Variants in EML6 observed in about 807,000 individuals in gnomAD.
EML6 encodes the protein echinoderm microtubule-associated protein-like 6.
EML6 carries 154 observed loss-of-function variants against 240.1 expected under a neutral mutation model. The observed-to-expected ratio is 0.64, with a 90% CI of 0.56 to 0.73. EML6 has a LOEUF of 0.73. Among genes scored for constraint, EML6 ranks in the 30% least tolerant of loss-of-function variants. The pLI, the probability that EML6 is intolerant of heterozygous loss-of-function variation, is 0.00. For missense variants in EML6, 2,964 were observed against 2,474.6 expected (o/e 1.20, Z -4.20); for synonymous variants, 1,148 against 899.0 (o/e 1.28, Z -4.95).
intron 2 of EML6, among the ~76,000 whole-genome samples, chr2:54,777,382 C>G (rs1253498712): frequency 6.6e-6 from 1 of 152,158 alleles, no homozygotes; most frequent in East Asian, 1.9e-4. Flanking sequence ...TGAGCTTGGA[C>G]TTTTATGCTC....
At chr2:54,758,809 C>A (rs570735191) in intron 2 of EML6, among the ~76,000 whole-genome samples, 6 of 152,124 alleles carry the variant, frequency 3.9e-5, no homozygotes, top group Non-Finnish European at 7.4e-5. Context: ...ACAGATTGGT[C>A]TGAGAGCATT....
At chr2:54,791,216 A>G (rs990158922) in intron 2 of EML6, among the ~76,000 whole-genome samples, 1 of 152,066 alleles carries the variant, frequency 6.6e-6, no homozygotes, top group Non-Finnish European at 1.5e-5. Flanking sequence ...ACGTGGGAAC[A>G]CAGATGATGC....
chr2:54,950,519 G>C (rs1280852745), intron 29 of EML6, 131 bp from the exon 30 acceptor site: 1 of 965,876 alleles, frequency 1.0e-6, no homozygotes, highest in Non-Finnish European at 1.5e-6. Context: ...AATGTTTTCA[G>C]TGAGTGTGTG....
Position 54,892,057 on chromosome 2 carries a change from T to C in EML6, c.2540-397T>C, listed in dbSNP as rs559995353. On this transcript the variant is annotated intron_variant, in intron 18 of 41. Coordinates refer to ENST00000356458, the MANE Select transcript of EML6 (RefSeq NM_001039753.4). ...TTTTGGTCAGCATTCATGAAGACTT[T>C]GCTTGCTCCTTCAGGCACTTAGTCA... is the stretch of plus-strand genomic sequence containing the variant. Among the ~76,000 whole-genome samples the C allele has an allele frequency of 1.5e-4, 17 of 112,838 alleles. No individual in the cohort carries two copies. The South Asian group carries it at 6.2e-3, about 41-fold the overall frequency. 74.0% of individuals were successfully genotyped at this position (112,838 alleles called of 152,430 possible). A position where few individuals can be genotyped will look rare whatever the true frequency, so the allele number is the denominator to read the frequency against.
chr2:54,762,432 AT>A (rs923336891), intron 2 of EML6, among the ~76,000 whole-genome samples: 2 of 151,766 alleles, frequency 1.3e-5, no homozygotes, highest in African/African-American at 2.4e-5. Context: ...TATAGTTACT[AT>A]TTTTTTCTTT....
chr2:54,920,776 C>G (rs1674204240), intron 26 of EML6, among the ~76,000 whole-genome samples: 2 of 152,030 alleles, frequency 1.3e-5, no homozygotes, highest in Admixed American at 6.6e-5. Flanking sequence ...TACTACAAAC[C>G]AAATTCAACA....
chr2:54,849,847 T>A (rs1018517688), intron 9 of EML6, 115 bp from the exon 10 acceptor site: 8 of 788,684 alleles, frequency 1.0e-5, no homozygotes, highest in Non-Finnish European at 1.4e-5. Flanking sequence ...AATCCTTTAA[T>A]TCCTGCAGGT....
At chr2:54,961,184 G>GTTGTTTTTTTTGTTTTGTTTTTTT in intron 35 of EML6, among the ~76,000 whole-genome samples, 12 of 55,424 alleles carry the variant, frequency 2.2e-4, no homozygotes, top group Non-Finnish European at 3.8e-4. Flanking sequence ...TCAGGAAGTA[G>GTTGTTTTTTTTGTTTTGTTTTTTT]TTTTTTTTTT....
At chr2:54,951,044 G>C (rs182875953) in intron 30 of EML6, among the ~76,000 whole-genome samples, 1 of 152,102 alleles carries the variant, frequency 6.6e-6, no homozygotes, top group Admixed American at 6.5e-5. Context: ...CTCTGTAACC[G>C]ACAGCCATGG....
At chr2:54,876,496 A>T (rs1671514525) in intron 16 of EML6, among the ~76,000 whole-genome samples, 1 of 152,098 alleles carries the variant, frequency 6.6e-6, no homozygotes, top group Non-Finnish European at 1.5e-5. Context: ...ATAAAAGCTC[A>T]CCTCTTACCC....
At chr2:54,871,740 A>T (rs1241628032) in intron 16 of EML6, 135 bp downstream of exon 16, 11 of 686,278 alleles carry the variant, frequency 1.6e-5, no homozygotes, top group Non-Finnish European at 2.6e-5. Context: ...GTTTGTATTG[A>T]AGTACAAGCT....
intron 26 of EML6, among the ~76,000 whole-genome samples, chr2:54,923,225 GCCA>G (rs1674353826): frequency 6.6e-6 from 1 of 152,080 alleles, no homozygotes; most frequent in Admixed American, 6.5e-5. Context: ...ACAGGTGTGA[GCCA>G]CCACGCCTGG....
intron 25 of EML6, among the ~76,000 whole-genome samples, chr2:54,916,496 C>CTTA (rs1553414931): frequency 7.7e-6 from 1 of 129,082 alleles, no homozygotes; most frequent in African/African-American, 2.8e-5. Context: ...ACTAAAATAC[C>CTTA]TTATTATTAT....
chr2:54,878,824 A>G (rs373949854), intron 16 of EML6, among the ~76,000 whole-genome samples: 1 of 152,236 alleles, frequency 6.6e-6, no homozygotes, highest in Non-Finnish European at 1.5e-5. Context: ...AAGATAAGAT[A>G]ACCTGTTCAT....
chr2:54,861,267 CT>C, intron 12 of EML6, among the ~76,000 whole-genome samples: 1 of 152,286 alleles, frequency 6.6e-6, no homozygotes, highest in East Asian at 1.9e-4. Context: ...AGTGCCACAC[CT>C]TCTATAGCTC....
chr2:54,918,459 C>G (rs1345297349), intron 26 of EML6, among the ~76,000 whole-genome samples: 1 of 152,194 alleles, frequency 6.6e-6, no homozygotes, highest in South Asian at 2.1e-4. Context: ...AGCAATCAAT[C>G]CACCTCAGCC....
intron 13 of EML6, among the ~76,000 whole-genome samples, chr2:54,865,690 A>G (rs1386435351): frequency 6.6e-6 from 1 of 152,232 alleles, no homozygotes; most frequent in Non-Finnish European, 1.5e-5. Context: ...GATCTGAAAA[A>G]AATCTGAAAT....
chr2:54,795,993 G>A (rs1267149813), intron 2 of EML6, among the ~76,000 whole-genome samples: 1 of 152,056 alleles, frequency 6.6e-6, no homozygotes, highest in African/African-American at 2.4e-5. Context: ...ATCTAGATGA[G>A]ATGCTTTCAT....
In EML6 at chr2:54,898,128, G is replaced by C. The variant is rs1431777582; in HGVS notation, c.2983-1513G>C. Among the ~76,000 whole-genome samples, 3 of 152,204 alleles carry C rather than the reference G, an allele frequency of 2.0e-5. No homozygotes were observed. In the East Asian group the frequency reaches 5.8e-4, roughly 29 times the overall value. ...TGTGCTTTGAAGCAGTCAGCTCGCA[G>C]TTGTACAGCTGTTTATGATCAGCTT... On this transcript the variant is annotated intron_variant, in intron 21 of 41. Transcript: ENST00000356458.
Sources: allele counts gnomAD v4.1 joint callset (sites outside exome capture counted in the v4.1 genomes callset), GRCh38; gene constraint gnomAD v4.1.1; transcripts MANE v1.5; gene names NCBI Gene and HGNC (gene_info 2026-07-23, HGNC 2026-07-21).